The following PIK3C2G variants were observed in gnomAD, a reference collection of about 807,000 sequenced individuals.
PIK3C2G encodes phosphatidylinositol-4-phosphate 3-kinase catalytic subunit type 2 gamma.
Under a neutral mutation model 181.1 loss-of-function variants are expected in PIK3C2G, and 168 were observed. The ratio of observed to expected loss-of-function variants is 0.93; its 90% CI spans 0.82 to 1.05. The LOEUF (loss-of-function observed/expected upper bound fraction) is 1.05, where lower values mean the gene tolerates loss of function less well. Ranked by LOEUF, PIK3C2G falls within the 50% of genes least tolerant of loss-of-function variation. The pLI is 0.00. For missense variants in PIK3C2G, 1,869 were observed against 1,732.8 expected, an observed-to-expected ratio of 1.08 and a Z score of -1.40; for synonymous variants, 573 against 592.2, an observed-to-expected ratio of 0.97 and a Z score of 0.47.
At position 18,396,462 on chromosome 12, in the gene PIK3C2G, T is replaced by C. The variant is rs373814116; in HGVS notation, c.2127-3197T>C. ...CCTAAGGTTAGAAACAAAGCCACGA[T>C]GTCTGCTTCAAACATTTCTTTAATG... On this transcript the variant is annotated intron_variant, in intron 15 of 32. Coordinates refer to ENST00000538779, the MANE Select transcript of PIK3C2G (RefSeq NM_001288772.2). 2.0e-5 allele frequency among the ~76,000 whole-genome samples: 3 copies of C among 151,818 alleles called. No homozygotes were observed. In the East Asian group the frequency reaches 5.8e-4, roughly 29 times the overall value.
At chr12:18,369,424 A>G (rs538834722) in intron 12 of PIK3C2G, among the ~76,000 whole-genome samples, 544 of 151,998 alleles carry the variant, frequency 3.6e-3, no homozygotes, top group African/African-American at 0.012. Flanking sequence ...ATGATCATAT[A>G]ATTGACATAT....
At chr12:18,662,851 A>C in the PIK3C2G span, among the ~76,000 whole-genome samples, 1 of 152,112 alleles carries the variant, frequency 6.6e-6, no homozygotes, top group Non-Finnish European at 1.5e-5. Flanking sequence ...CACATAGAAT[A>C]AAAACCAAAG....
chr12:18,391,360 C>T, intron 15 of PIK3C2G, 108 bp downstream of exon 15: 1 of 739,274 alleles, frequency 1.4e-6, no homozygotes, highest in Non-Finnish European at 2.0e-6. Context: ...TCCTACATAA[C>T]TGGTTTCATT....
At chr12:18,487,025 T>A (rs760121641) in intron 18 of PIK3C2G, among the ~76,000 whole-genome samples, 48 of 151,766 alleles carry the variant, frequency 3.2e-4, no homozygotes, top group Non-Finnish European at 5.9e-4. Context: ...CTACTCTTCT[T>A]AAAATGAAAA....
chr12:18,336,788 T>G (rs1401743002), intron 8 of PIK3C2G, among the ~76,000 whole-genome samples: 1 of 152,188 alleles, frequency 6.6e-6, no homozygotes, highest in African/African-American at 2.4e-5. Context: ...ATTTTTGGAA[T>G]CCTCACTTTG....
upstream of PIK3C2G, among the ~76,000 whole-genome samples, chr12:18,247,025 C>T (rs186264372): frequency 1.2e-4 from 19 of 152,182 alleles, no homozygotes; most frequent in Admixed American, 7.9e-4. Context: ...TTATATAAAA[C>T]ATAATATGTA....
intron 5 of PIK3C2G, among the ~76,000 whole-genome samples, chr12:18,297,751 AT>A (rs1170712341): frequency 6.6e-6 from 1 of 151,880 alleles, no homozygotes; most frequent in East Asian, 1.9e-4. Context: ...TGAGATAACC[AT>A]TTTTAGTTCC....
At chr12:18,481,407 T>C (rs1036873473) in intron 18 of PIK3C2G, among the ~76,000 whole-genome samples, 3 of 152,148 alleles carry the variant, frequency 2.0e-5, no homozygotes, top group African/African-American at 7.2e-5. Context: ...CTCAACATAG[T>C]TTTTTCCCTC....
chr12:18,529,742 T>C (rs1341766588), intron 24 of PIK3C2G, among the ~76,000 whole-genome samples: 1 of 152,176 alleles, frequency 6.6e-6, no homozygotes, highest in Non-Finnish European at 1.5e-5. Flanking sequence ...TTTAATATTG[T>C]GTTTTAAAAT....
upstream of PIK3C2G, among the ~76,000 whole-genome samples, chr12:18,243,194 CTGTGTGTGTGTGTG>C (rs71440357): frequency 2.8e-4 from 41 of 148,224 alleles, no homozygotes; most frequent in Non-Finnish European, 1.0e-4. Context: ...TAAAGTCTTT[CTGTGTGTGTGTGTG>C]TGTGTGTGTG....
At chr12:18,629,198 GTGC>G (rs1229842732) in intron 31 of PIK3C2G, among the ~76,000 whole-genome samples, 1 of 152,166 alleles carries the variant, frequency 6.6e-6, no homozygotes. Context: ...GCAAAGGAAT[GTGC>G]TGATTTTCTT....
At chr12:18,545,075 T>G (rs1034051101) in intron 25 of PIK3C2G, among the ~76,000 whole-genome samples, 2 of 151,886 alleles carry the variant, frequency 1.3e-5, no homozygotes, top group Non-Finnish European at 2.9e-5. Flanking sequence ...CTTTCTTGTT[T>G]TTTTGTACTT....
At chr12:18,535,375 A>T (rs1943791831) in intron 24 of PIK3C2G, among the ~76,000 whole-genome samples, 1 of 152,086 alleles carries the variant, frequency 6.6e-6, no homozygotes, top group East Asian at 1.9e-4. Context: ...AAGCACAACT[A>T]AAATTTGTTT....
chr12:18,324,421 A>G (rs1951244699), intron 7 of PIK3C2G, among the ~76,000 whole-genome samples: 1 of 152,228 alleles, frequency 6.6e-6, no homozygotes, highest in South Asian at 2.1e-4. Context: ...TGTGTGACTT[A>G]TGATTCAATT....
At chr12:18,704,903 T>G in the PIK3C2G span, among the ~76,000 whole-genome samples, 5 of 152,076 alleles carry the variant, frequency 3.3e-5, no homozygotes, top group Admixed American at 6.6e-5. Context: ...TAATACTAAT[T>G]GCTTTGATAT....
At chr12:18,560,322 C>A (rs552204840) in intron 26 of PIK3C2G, among the ~76,000 whole-genome samples, 5 of 151,720 alleles carry the variant, frequency 3.3e-5, no homozygotes, top group African/African-American at 9.7e-5. Context: ...AAATAATATC[C>A]TTAAAAAAAG....
At chr12:18,470,832 A>G (rs1441981657) in intron 18 of PIK3C2G, among the ~76,000 whole-genome samples, 1 of 152,174 alleles carries the variant, frequency 6.6e-6, no homozygotes, top group Non-Finnish European at 1.5e-5. Context: ...CATCAACAGG[A>G]GAATGTGTAG....
At chr12:18,525,401 A>T (rs530495104) in intron 24 of PIK3C2G, among the ~76,000 whole-genome samples, 1 of 152,256 alleles carries the variant, frequency 6.6e-6, no homozygotes, top group East Asian at 1.9e-4. Flanking sequence ...CTCAAAAAAA[A>T]AAATCTGTAT....
intron 18 of PIK3C2G, among the ~76,000 whole-genome samples, chr12:18,455,918 A>G (rs1947601293): frequency 6.6e-6 from 1 of 152,076 alleles, no homozygotes; most frequent in African/African-American, 2.4e-5. Context: ...AAAAAAATAG[A>G]CTGTCTGCCT....
Sources: allele counts gnomAD v4.1 joint callset (sites outside exome capture counted in the v4.1 genomes callset), GRCh38; gene constraint gnomAD v4.1.1; transcripts MANE v1.5; gene names NCBI Gene and HGNC (gene_info 2026-07-23, HGNC 2026-07-21).